Variants in PTPRM observed in about 807,000 individuals in gnomAD.
PTPRM encodes protein tyrosine phosphatase receptor type M.
In PTPRM, 47 loss-of-function variants were observed where a neutral mutation model predicts 186.7. The observed-to-expected ratio is 0.25, with a 90% CI of 0.20 to 0.32. PTPRM has a LOEUF of 0.32. PTPRM is among the 10% of genes least tolerant of loss of function. The probability of loss-of-function intolerance (pLI) is 1.00; values close to 1 mark genes in which losing one functional copy is unlikely to be tolerated. For missense variants in PTPRM, 1,494 were observed against 1,865.0 expected, an observed-to-expected ratio of 0.80 and a Z score of 3.66; for synonymous variants, 668 against 674.9, an observed-to-expected ratio of 0.99 and a Z score of 0.16.
At chr18:7,821,709 A>G (rs887266879) in intron 2 of PTPRM, among the ~76,000 whole-genome samples, 3 of 152,206 alleles carry the variant, frequency 2.0e-5, no homozygotes, top group African/African-American at 7.2e-5. Flanking sequence ...GAAGTAAAAT[A>G]AGAGTTCCTT....
chr18:8,084,758 G>A (rs919904996), intron 9 of PTPRM, among the ~76,000 whole-genome samples: 3 of 152,142 alleles, frequency 2.0e-5, no homozygotes, highest in African/African-American at 7.2e-5. Flanking sequence ...ACAACCAGTA[G>A]AAGTTAGTAA....
At chr18:7,960,480 T>TATATATATATATACACACAC (rs1300573371) in intron 7 of PTPRM, among the ~76,000 whole-genome samples, 12 of 86,590 alleles carry the variant, frequency 1.4e-4, no homozygotes, top group African/African-American at 5.2e-4. Flanking sequence ...TATATATATA[T>TATATATATATATACACACAC]ACACACACAC....
chr18:8,132,752 C>T (rs935077190), intron 13 of PTPRM, among the ~76,000 whole-genome samples: 1 of 152,122 alleles, frequency 6.6e-6, no homozygotes, highest in African/African-American at 2.4e-5. Flanking sequence ...ACCTAGTTAA[C>T]GTTCTAGTCA....
chr18:7,894,563 G>C (rs1033731456), intron 3 of PTPRM, among the ~76,000 whole-genome samples: 2 of 151,922 alleles, frequency 1.3e-5, no homozygotes, highest in Admixed American at 6.6e-5. Context: ...TCCAGCCTAG[G>C]GGGCAGAGCA....
rs2148264337 is a variant in PTPRM, at chr18:8,343,445, T to C, written c.2979T>C (p.Tyr993=). ...ATQGPMQETI[Y]DFWRMVWHEN... ...CAGGGCCAATGCAGGAAACCATCTA[T>C]GACTTCTGGAGGATGGTGTGGCACG... Residue 993 remains tyrosine (Y), a synonymous_variant, in exon 23 of 33, where the codon TAT becomes TAC. Transcript: ENST00000580170. 1 of 1,613,936 alleles carries C rather than the reference T, an allele frequency of 6.2e-7. No homozygotes were observed. Among genetic ancestry groups the C allele is most frequent in the Non-Finnish European group, 8.5e-7 (1 of 1,179,918 alleles).
intron 14 of PTPRM, among the ~76,000 whole-genome samples, chr18:8,230,377 G>A (rs2094271786): frequency 6.6e-6 from 1 of 152,216 alleles, no homozygotes; most frequent in Admixed American, 6.5e-5. Flanking sequence ...TCAGTCAACA[G>A]CTATAAAGTC....
At chr18:7,717,546 A>G (rs149432870) in intron 1 of PTPRM, among the ~76,000 whole-genome samples, 131 of 152,326 alleles carry the variant, frequency 8.6e-4, no homozygotes, top group African/African-American at 3.1e-3. Flanking sequence ...CTCGGGATCC[A>G]TTAGTGTAGA....
chr18:8,149,014 G>C (rs1301069086), intron 14 of PTPRM, among the ~76,000 whole-genome samples: 3 of 152,162 alleles, frequency 2.0e-5, no homozygotes, highest in African/African-American at 7.2e-5. Flanking sequence ...TGGTCTGAGA[G>C]ACTGTTTGTT....
intron 20 of PTPRM, among the ~76,000 whole-genome samples, chr18:8,308,234 G>T (rs2095241380): frequency 6.6e-6 from 1 of 152,202 alleles, no homozygotes; most frequent in African/African-American, 2.4e-5. Context: ...GCAGGCTTTT[G>T]TAGGCCAAAC....
intron 24 of PTPRM, among the ~76,000 whole-genome samples, chr18:8,374,743 C>T (rs1044518578): frequency 6.6e-6 from 1 of 152,242 alleles, no homozygotes; most frequent in African/African-American, 2.4e-5. Context: ...AGTAAAGCTT[C>T]AGCATTTGTG....
chr18:7,635,518 T>C (rs1044944330), intron 1 of PTPRM, among the ~76,000 whole-genome samples: 1 of 152,236 alleles, frequency 6.6e-6, no homozygotes, highest in Non-Finnish European at 1.5e-5. Context: ...TCATTTATCA[T>C]ATTATTGCCT....
intron 4 of PTPRM, among the ~76,000 whole-genome samples, chr18:7,917,920 T>G (rs1292089640): frequency 6.6e-6 from 1 of 152,144 alleles, no homozygotes; most frequent in Non-Finnish European, 1.5e-5. Context: ...AACATAAGAG[T>G]GAGAATATGT....
intron 1 of PTPRM, among the ~76,000 whole-genome samples, chr18:7,586,851 A>G (rs769815105): frequency 3.1e-4 from 47 of 152,192 alleles, no homozygotes; most frequent in Non-Finnish European, 6.2e-4. Flanking sequence ...AAAGGTATCC[A>G]TTGTAAAGAC....
chr18:8,085,717 CCAAT>C lies in PTPRM; in HGVS notation c.1601_1604del (p.Asn534ArgfsTer63). ...TCCTTTGACCCAGAAATAGATTTAT[CCAAT>C]CAGAGTGGAAGAGTTTCAAAGCTGG... On this transcript the variant is annotated frameshift_variant, in exon 10 of 33. Transcript: ENST00000580170. LOFTEE classifies it high-confidence loss of function. 3 of 1,611,224 alleles carry C rather than the reference CCAAT, an allele frequency of 1.9e-6. No homozygotes were observed. Among genetic ancestry groups the C allele is most frequent in the Non-Finnish European group, 2.5e-6 (3 of 1,177,538 alleles).
chr18:7,680,385 A>G (rs1157131353), intron 1 of PTPRM, among the ~76,000 whole-genome samples: 1 of 152,138 alleles, frequency 6.6e-6, no homozygotes, highest in East Asian at 1.9e-4. Flanking sequence ...GCCATATTCA[A>G]CTTGGCAGGT....
chr18:8,085,045 A>G (rs562874811), intron 9 of PTPRM, among the ~76,000 whole-genome samples: 107 of 152,272 alleles, frequency 7.0e-4, no homozygotes, highest in African/African-American at 2.4e-3. Flanking sequence ...TCAAATGCTC[A>G]GTAACCAGAT....
At chr18:7,592,049 A>G (rs2037140043) in intron 1 of PTPRM, among the ~76,000 whole-genome samples, 1 of 152,338 alleles carries the variant, frequency 6.6e-6, no homozygotes, top group East Asian at 1.9e-4. Flanking sequence ...ACTCCCAGTA[A>G]AAATTTTAGT....
At chr18:8,216,831 G>A (rs1437273364) in intron 14 of PTPRM, among the ~76,000 whole-genome samples, 2 of 152,184 alleles carry the variant, frequency 1.3e-5, no homozygotes, top group Admixed American at 6.5e-5. Context: ...TTAATATTCA[G>A]CAAGAGTAAT....
At chr18:7,768,879 C>T (rs769995194) in intron 1 of PTPRM, among the ~76,000 whole-genome samples, 1 of 152,042 alleles carries the variant, frequency 6.6e-6, no homozygotes, top group Non-Finnish European at 1.5e-5. Context: ...TTCCCGATCT[C>T]AGGTGATCTG....
Sources: allele counts gnomAD v4.1 joint callset (sites outside exome capture counted in the v4.1 genomes callset), GRCh38; gene constraint gnomAD v4.1.1; transcripts MANE v1.5; gene names NCBI Gene and HGNC (gene_info 2026-07-23, HGNC 2026-07-21).